EMX2: variants seen among roughly 807,000 people sequenced by gnomAD.
EMX2 encodes the protein empty spiracles homeobox 2.
A neutral mutation model predicts 23.0 loss-of-function variants in EMX2; 6 were observed. The ratio of observed to expected loss-of-function variants is 0.26; its 90% confidence interval spans 0.14 to 0.52. The LOEUF (loss-of-function observed/expected upper bound fraction) is 0.52. EMX2 is among the 20% of genes least tolerant of loss of function. EMX2 has a pLI of 0.97. For synonymous variants in EMX2, 175 were observed against 153.3 expected (o/e 1.14, Z -1.04); for missense variants, 302 against 341.4 (o/e 0.88, Z 0.91).
chr10:117,545,580 G>A, intron 1 of EMX2, 52 bp from the exon 2 acceptor site: 1 of 1,608,788 alleles, frequency 6.2e-7, no homozygotes, highest in Non-Finnish European at 8.5e-7. Flanking sequence ...GAAGTGCGCG[G>A]CTCCGGTCAG....
rs71013666 is a variant in EMX2, at chr10:117,542,913, CAAAAAA to C, written c.-336_-331del. On this transcript the variant is annotated 5_prime_UTR_variant, in exon 1 of 3. Coordinates refer to ENST00000553456, the MANE Select transcript of EMX2 (RefSeq NM_004098.4). ...CTCCGATCCCCCCACGCCATCTCGC[CAAAAAA>C]AAAAAAAAAAAAAAAAAAGAAAAAA... 5.1e-4 allele frequency: 4 copies of C among 7,792 alleles called. No individual in the cohort carries two copies. The highest frequency in any genetic ancestry group is 0.016 in the South Asian group (1 of 64). 0.5% of individuals were successfully genotyped at this position (7,792 alleles called of 1,614,324 possible).
At position 117,543,292 on chromosome 10, in the gene EMX2, T is replaced by G; in HGVS notation, c.25T>G (p.Cys9Gly). The change falls in exon 1 of 3, where the codon TGC becomes GGC. Residue 9 changes from cysteine to glycine, a missense_variant. By Grantham distance (159) the Cys-to-Gly change is radical (BLOSUM62 -3). Transcript: ENST00000553456. Reference sequence around the variant, plus strand: ...CATGTTCCAGCCGGCGCCCAAGCGCTGCTTCACCATCGAGTCGCTGGTGGC... The same window carrying G: ...CATGTTCCAGCCGGCGCCCAAGCGCGGCTTCACCATCGAGTCGCTGGTGGC... MFQPAPKR[C>G]FTIESLVAKD... 1 of 1,549,596 alleles carries G rather than the reference T, an allele frequency of 6.5e-7. No homozygotes were observed. The highest frequency in any genetic ancestry group is 8.7e-7 in the Non-Finnish European group (1 of 1,146,598).
chr10:117,543,798 G>T lies in EMX2; in HGVS notation c.406+125G>T, dbSNP rs113636926. 38 of 1,472,232 alleles carry T rather than the reference G, an allele frequency of 2.6e-5. 1 individual carries two copies. The African/African-American group carries it at 3.3e-4, about 13-fold the overall frequency. 91.2% of individuals were successfully genotyped at this position (1,472,232 alleles called of 1,614,324 possible). ...GTTCCTCCGGCTCGCGGGCCAGCGC[G>T]CCCTGTTGGGAAACTAGGCGGCGCG... On this transcript the variant is annotated intron_variant, in intron 1 of 2. Coordinates refer to ENST00000553456, the MANE Select transcript of EMX2 (RefSeq NM_004098.4).
Position 117,543,561 on chromosome 10 carries a change from C to T in EMX2, c.294C>T (p.Pro98=). The T allele has an allele frequency of 6.2e-7, 1 of 1,613,056 alleles. No individual in the cohort carries two copies. Among genetic ancestry groups the T allele is most frequent in the Non-Finnish European group, 8.5e-7 (1 of 1,179,702 alleles). The change falls in exon 1 of 3, where the codon CCC becomes CCT. Residue 98 remains proline (P), a synonymous_variant. Transcript: ENST00000553456. ...VPPPHALAAH[P]LPSSHSPHPL... ...CGCCGCACGCCCTGGCCGCCCACCC[C>T]CTACCCTCCTCGCACTCGCCACACC...
chr10:117,546,291 G>A (rs1769277425), intron 2 of EMX2, among the ~76,000 whole-genome samples: 5 of 152,224 alleles, frequency 3.3e-5, no homozygotes, highest in Admixed American at 2.6e-4. Context: ...GATGGGCGAT[G>A]GGAAGGTAGA....
intron 2 of EMX2, 60 bp downstream of exon 2, chr10:117,545,876 C>A: frequency 6.2e-7 from 1 of 1,608,288 alleles, no homozygotes; most frequent in South Asian, 1.1e-5. Context: ...CCAAAGCTGG[C>A]TCCCAAGCAC....
At chr10:117,545,846 T>A (rs1050337715) in intron 2 of EMX2, 30 bp downstream of exon 2, 1 of 1,613,144 alleles carries the variant, frequency 6.2e-7, no homozygotes, top group Admixed American at 1.7e-5. Flanking sequence ...GAGGAACCCA[T>A]CTAGGCGTGC....
In EMX2 at chr10:117,545,739, G is replaced by A; in HGVS notation, c.514G>A (p.Ala172Thr). Reference protein sequence around the residue: ...SPSQLLRLEHAFEKNHYVVGA... With the variant: ...SPSQLLRLEHTFEKNHYVVGA... ...GTCCCAGCTTCTAAGGCTGGAACAC[G>A]CCTTTGAGAAGAATCACTACGTGGT... The change falls in exon 2 of 3, where the codon GCC (alanine) becomes ACC (threonine). Residue 172 changes from alanine to threonine, a missense_variant. By Grantham distance (58) the Ala-to-Thr change is moderately conservative. Around this residue, in one of 4 missense-constraint regions of EMX2, gnomAD observed 37 missense variants for 69.1 expected, o/e 0.54. Transcript: ENST00000553456. 2 of 1,614,080 alleles carry A rather than the reference G, an allele frequency of 1.2e-6. No homozygotes were observed. Among genetic ancestry groups the A allele is most frequent in the African/African-American group, 1.3e-5 (1 of 75,080 alleles).
In EMX2 at chr10:117,549,384, C is replaced by G. The variant is rs1846627813; in HGVS notation, c.*1152C>G. On this transcript the variant is annotated 3_prime_UTR_variant, in exon 3 of 3. Transcript: ENST00000553456. Reference sequence around the variant, plus strand: ...TGAGTTTCTATTCCAAGATCATAGACTTACTAAAGAGAGTGACAAATGCTT... The same window carrying G: ...TGAGTTTCTATTCCAAGATCATAGAGTTACTAAAGAGAGTGACAAATGCTT... The G allele has an allele frequency of 6.6e-6, 1 of 152,644 alleles. No individual in the cohort carries two copies. The highest frequency in any genetic ancestry group is 1.5e-5 in the Non-Finnish European group (1 of 68,040). 9.5% of individuals were successfully genotyped at this position (152,644 alleles called of 1,614,324 possible).
rs1370763035 is a variant in EMX2 at position 117,548,664 on chromosome 10, T to C, written c.*432T>C. On this transcript the variant is annotated 3_prime_UTR_variant, in exon 3 of 3. Transcript: ENST00000553456. Reference sequence around the variant, plus strand: ...TTGGCAGGTATTCCGTTTATCACAGTCCACTTAAAAAATGATGATGATGAT... The same window carrying C: ...TTGGCAGGTATTCCGTTTATCACAGCCCACTTAAAAAATGATGATGATGAT... 4 of 419,920 alleles carry C rather than the reference T, an allele frequency of 9.5e-6. No individual in the cohort carries two copies. Among genetic ancestry groups the C allele is most frequent in the African/African-American group, 4.1e-5 (2 of 48,798 alleles). The allele number at this position is 419,920 out of a possible 1,614,324, so 26.0% of individuals were successfully genotyped here.
At position 117,548,308 on chromosome 10, in the gene EMX2, CT is replaced by C; in HGVS notation, c.*77del. On this transcript the variant is annotated 3_prime_UTR_variant, in exon 3 of 3. Transcript: ENST00000553456. ...GGGAGAGGTGGAGAAGGAAAAAACC[CT>C]ACAAAACAAAAACAAACCGCATACA... is the stretch of plus-strand genomic sequence containing the variant. 6.4e-7 allele frequency: 1 copy of C among 1,565,586 alleles called. No individual in the cohort carries two copies. Among genetic ancestry groups the C allele is most frequent in the Non-Finnish European group, 8.6e-7 (1 of 1,157,228 alleles).
chr10:117,546,750 G>A (rs1385405162), intron 2 of EMX2, among the ~76,000 whole-genome samples: 2 of 152,366 alleles, frequency 1.3e-5, no homozygotes, highest in Admixed American at 1.3e-4. Flanking sequence ...CAAGCCCCGA[G>A]CGCACCGACG....
chr10:117,543,346 T>C lies in EMX2; in HGVS notation c.79T>C (p.Ser27Pro). The C allele has an allele frequency of 1.3e-6, 2 of 1,559,722 alleles. No homozygotes were observed. Among genetic ancestry groups the C allele is most frequent in the African/African-American group, 1.4e-5 (1 of 73,332 alleles). Reference sequence around the variant, plus strand: ...GGACAGTCCCCTGCCCGCCTCGCGCTCCGAGGACCCCATCCGTCCCGCGGC... The same window carrying C: ...GGACAGTCCCCTGCCCGCCTCGCGCCCCGAGGACCCCATCCGTCCCGCGGC... ...AKDSPLPASR[S>P]EDPIRPAALS... The change falls in exon 1 of 3, where the codon TCC becomes CCC. Residue 27 changes from serine to proline, a missense_variant. Around this residue, in one of 4 missense-constraint regions of EMX2, gnomAD observed 221 missense variants for 206.8 expected, o/e 1.07. Transcript: ENST00000553456.
Position 117,543,657 on chromosome 10 carries a change from G to T in EMX2, c.390G>T (p.Leu130=). ...YPWLIHRYRY[L]GHRFQGNDTS... is the part of the protein sequence containing the mutation. The stretch of plus-strand genomic sequence containing the variant: ...GGCTCATCCACCGCTACCGATATCT[G>T]GGTCATCGCTTCCAAGGTACGTGCC... The change falls in exon 1 of 3, where the codon CTG becomes CTT. Residue 130 remains leucine (L), a synonymous_variant. Coordinates refer to ENST00000553456, the MANE Select transcript of EMX2 (RefSeq NM_004098.4). The T allele has an allele frequency of 3.7e-6, 6 of 1,613,580 alleles. No individual in the cohort carries two copies. Among genetic ancestry groups the T allele is most frequent in the Non-Finnish European group, 5.1e-6 (6 of 1,179,714 alleles).
intron 2 of EMX2, among the ~76,000 whole-genome samples, chr10:117,547,135 G>A (rs1188508222): frequency 5.3e-5 from 8 of 152,318 alleles, no homozygotes; most frequent in South Asian, 2.1e-4. Flanking sequence ...CTAGGGGGCC[G>A]TGGGATGGCA....
chr10:117,543,685 G>T lies in EMX2; in HGVS notation c.406+12G>T, dbSNP rs1465242748. 1.2e-6 allele frequency: 2 copies of T among 1,613,226 alleles called. No individual in the cohort carries two copies. Among genetic ancestry groups the T allele is most frequent in the Non-Finnish European group, 1.7e-6 (2 of 1,179,704 alleles). On this transcript the variant is annotated intron_variant, in intron 1 of 2. Transcript: ENST00000553456. ...TCATCGCTTCCAAGGTACGTGCCAC[G>T]TCGCGGAACTGCAGCGCGCCGCTCC...
In EMX2 at chr10:117,545,820, A is replaced by T; in HGVS notation, c.591+4A>T. 6.2e-7 allele frequency: 1 copy of T among 1,613,726 alleles called. No individual in the cohort carries two copies. The highest frequency in any genetic ancestry group is 8.5e-7 in the Non-Finnish European group (1 of 1,180,016). On this transcript the variant is annotated splice_donor_region_variant and intron_variant, in intron 2 of 2. Coordinates refer to ENST00000553456, the MANE Select transcript of EMX2 (RefSeq NM_004098.4). Reference sequence around the variant, plus strand: ...CCTCAGCCTCACGGAAACTCAGGTGACTGCGGCCCGGGCGCGAGGAACCCA... The same window carrying T: ...CCTCAGCCTCACGGAAACTCAGGTGTCTGCGGCCCGGGCGCGAGGAACCCA...
At chr10:117,545,601 C>T (rs8192641) in intron 1 of EMX2, 31 bp from the exon 2 acceptor site, 25 of 1,613,288 alleles carry the variant, frequency 1.5e-5, no homozygotes, top group Admixed American at 1.0e-4. Context: ...AGCAGCCCCC[C>T]CTAATGGGAT....
chr10:117,546,017 C>A (rs1846574036), intron 2 of EMX2, among the ~76,000 whole-genome samples: 1 of 152,230 alleles, frequency 6.6e-6, no homozygotes, highest in African/African-American at 2.4e-5. Flanking sequence ...AAGTGCCAAT[C>A]TGCCCCAGGT....
Sources: allele counts gnomAD v4.1 joint callset (sites outside exome capture counted in the v4.1 genomes callset), GRCh38; gene constraint gnomAD v4.1.1; regional missense constraint gnomAD v4.1.1; transcripts MANE v1.5; gene names NCBI Gene and HGNC (gene_info 2026-07-23, HGNC 2026-07-21).